The following DLC1 variants were observed in gnomAD, a reference collection of about 807,000 sequenced individuals.
The protein encoded by DLC1 is DLC1 Rho GTPase activating protein.
A neutral mutation model predicts 140.3 loss-of-function variants in DLC1; 54 were observed. That is an observed-to-expected ratio of 0.38 (90% CI 0.31 to 0.48). The LOEUF is 0.48. Among genes scored for constraint, DLC1 ranks in the 20% least tolerant of loss-of-function variants. The pLI, the probability that DLC1 is intolerant of heterozygous loss-of-function variation, is 0.96. For missense variants in DLC1, 2,536 were observed against 1,907.0 expected (o/e 1.33, Z -6.14); for synonymous variants, 986 against 728.1 (o/e 1.35, Z -5.70).
intron 5 of DLC1, among the ~76,000 whole-genome samples, chr8:13,283,725 G>T (rs1831447321): frequency 6.6e-6 from 1 of 152,126 alleles, no homozygotes; most frequent in African/African-American, 2.4e-5. Flanking sequence ...ATATTGCCCA[G>T]GATGGCCTCA....
chr8:13,534,560 T>C (rs1009006682), intron 1 of DLC1, among the ~76,000 whole-genome samples: 1 of 152,136 alleles, frequency 6.6e-6, no homozygotes, highest in Non-Finnish European at 1.5e-5. Flanking sequence ...CTCTGCTTCA[T>C]AAGAAGCAGA....
chr8:13,366,808 C>T (rs543724785), intron 4 of DLC1, among the ~76,000 whole-genome samples: 16 of 152,256 alleles, frequency 1.1e-4, no homozygotes, highest in African/African-American at 3.8e-4. Flanking sequence ...GGTCGAAGGC[C>T]ACCCAGCTGT....
At chr8:13,478,883 G>A (rs775106014) in intron 2 of DLC1, among the ~76,000 whole-genome samples, 3 of 152,172 alleles carry the variant, frequency 2.0e-5, no homozygotes, top group African/African-American at 7.2e-5. Context: ...ATAAGCAGAT[G>A]CTCCCACAAA....
rs192650160 is a variant in DLC1 at position 13,131,664 on chromosome 8, G to A, written c.1349-16007C>T. ...ACACTGGGTATTTATTGAACATCGG[G>A]AACAGGCAACCTGCTAATCACTTTA... On this transcript the variant is annotated intron_variant, in intron 5 of 17. Coordinates refer to ENST00000276297, the MANE Select transcript of DLC1 (RefSeq NM_182643.3). Among the ~76,000 whole-genome samples, 31 of 152,252 alleles carry A rather than the reference G, an allele frequency of 2.0e-4. 1 individual carries two copies. Among genetic ancestry groups the A allele is most frequent in the Admixed American group, 1.9e-3 (29 of 15,304 alleles).
chr8:13,444,376 C>T (rs1305209209), intron 2 of DLC1, among the ~76,000 whole-genome samples: 2 of 151,954 alleles, frequency 1.3e-5, no homozygotes, highest in African/African-American at 4.8e-5. Context: ...TGCAGCAAAC[C>T]AACATGACAC....
rs189869875 is a variant in DLC1, at chr8:13,470,907, C to G, written c.1023+28142G>C. On this transcript the variant is annotated intron_variant, in intron 2 of 17. Coordinates refer to ENST00000276297, the MANE Select transcript of DLC1 (RefSeq NM_182643.3). ...TGAATGGACAAATGGATAAAGATAA[C>G]TTGATATACATACACACCCATACAC... 2.2e-3 allele frequency among the ~76,000 whole-genome samples: 339 copies of G among 152,212 alleles called. 2 individuals carry two copies. The highest frequency in any genetic ancestry group is 0.014 in the Admixed American group (211 of 15,296).
intron 1 of DLC1, among the ~76,000 whole-genome samples, chr8:13,571,648 G>A (rs1804655721): frequency 6.6e-6 from 1 of 152,152 alleles, no homozygotes; most frequent in Non-Finnish European, 1.5e-5. Flanking sequence ...TGGCTATTGT[G>A]CGTAATGCTG....
intron 5 of DLC1, among the ~76,000 whole-genome samples, chr8:13,172,038 C>T (rs1021370788): frequency 6.6e-6 from 1 of 152,160 alleles, no homozygotes; most frequent in African/African-American, 2.4e-5. Context: ...ATTAAAAAGT[C>T]GATCATTATA....
At chr8:13,145,819 ATCAATAT>A (rs1448716854) in intron 5 of DLC1, among the ~76,000 whole-genome samples, 1 of 152,200 alleles carries the variant, frequency 6.6e-6, no homozygotes, top group East Asian at 1.9e-4. Context: ...GGAATATAAG[ATCAATAT>A]TCAGGATTAT....
intron 5 of DLC1, among the ~76,000 whole-genome samples, chr8:13,118,650 C>G (rs1820777553): frequency 6.6e-6 from 1 of 152,100 alleles, no homozygotes; most frequent in Non-Finnish European, 1.5e-5. Context: ...ATTCATAGGT[C>G]AAGAGAAAGT....
rs1204628191 is a variant in DLC1 at position 13,479,846 on chromosome 8, AGAAGAAGAAGAAGAGAAAAAG to A, written c.1023+19182_1023+19202del. On this transcript the variant is annotated intron_variant, in intron 2 of 17. Transcript: ENST00000276297. ...AAGAAGAAGAAGAAGAAGAAGAAGA[AGAAGAAGAAGAAGAGAAAAAG>A]AAAGAAAGAAAGAAAGAAAGAAAAA... is the stretch of plus-strand genomic sequence containing the variant. Among the ~76,000 whole-genome samples, 34 of 92,964 alleles carry A rather than the reference AGAAGAAGAAGAAGAGAAAAAG, an allele frequency of 3.7e-4. 1 individual carries two copies. Among genetic ancestry groups the A allele is most frequent in the African/African-American group, 1.3e-3 (30 of 22,358 alleles). 61.0% of individuals were successfully genotyped at this position (92,964 alleles called of 152,430 possible). A position where few individuals can be genotyped will look rare whatever the true frequency, so the allele number is the denominator to read the frequency against.
chr8:13,539,047 T>C (rs1803395574), intron 1 of DLC1, among the ~76,000 whole-genome samples: 1 of 152,210 alleles, frequency 6.6e-6, no homozygotes, highest in Non-Finnish European at 1.5e-5. Context: ...GACTGAATCC[T>C]TAAATCTTTG....
intron 12 of DLC1, among the ~76,000 whole-genome samples, chr8:13,093,331 T>A (rs1818242547): frequency 6.6e-6 from 1 of 152,126 alleles, no homozygotes; most frequent in Non-Finnish European, 1.5e-5. Flanking sequence ...ATTTGTTCCT[T>A]CTTGAAGTGG....
At chr8:13,211,667 T>C (rs957766134) in intron 5 of DLC1, among the ~76,000 whole-genome samples, 7 of 152,204 alleles carry the variant, frequency 4.6e-5, no homozygotes, top group African/African-American at 1.7e-4. Context: ...GTTTCCTCTG[T>C]CTATTAGATA....
chr8:13,118,004 C>CTTTTTTTTTTTTTTTTTTTTT (rs35775672), intron 5 of DLC1, among the ~76,000 whole-genome samples: 1 of 114,978 alleles, frequency 8.7e-6, no homozygotes, highest in African/African-American at 3.4e-5. Context: ...TGTTCTCTTT[C>CTTTTTTTTTTTTTTTTTTTTT]TTTTTTTTTT....
At chr8:13,550,204 G>T (rs1803798684) in intron 1 of DLC1, among the ~76,000 whole-genome samples, 1 of 152,078 alleles carries the variant, frequency 6.6e-6, no homozygotes, top group Admixed American at 6.6e-5. Flanking sequence ...CCCATGCTGT[G>T]CTTGTGATAG....
At chr8:13,125,919 C>T (rs1041740843) in intron 5 of DLC1, among the ~76,000 whole-genome samples, 1 of 152,066 alleles carries the variant, frequency 6.6e-6, no homozygotes, top group Non-Finnish European at 1.5e-5. Context: ...ACAGGCCCTG[C>T]AAGCCTATAC....
At chr8:13,365,135 G>T (rs1265756355) in intron 4 of DLC1, among the ~76,000 whole-genome samples, 1 of 152,144 alleles carries the variant, frequency 6.6e-6, no homozygotes, top group Non-Finnish European at 1.5e-5. Flanking sequence ...AAATTTCCAT[G>T]TCACAACCTC....
chr8:13,254,160 C>T (rs1830118581), intron 5 of DLC1, among the ~76,000 whole-genome samples: 1 of 151,450 alleles, frequency 6.6e-6, no homozygotes, highest in South Asian at 2.1e-4. Flanking sequence ...TCCCCCACCC[C>T]AACCCGACCC....
Sources: gnomAD v4.1 joint callset for allele counts (sites outside exome capture counted in the v4.1 genomes callset) on GRCh38, gnomAD v4.1.1 for gene constraint, MANE v1.5 for transcripts, NCBI Gene and HGNC (gene_info 2026-07-23, HGNC 2026-07-21) for gene names.